NAA35: variants seen among roughly 807,000 people sequenced by gnomAD.
NAA35 encodes the protein N-alpha-acetyltransferase 35, NatC auxiliary subunit, also known as MAK10 homolog, amino-acid N-acetyltransferase subunit.
NAA35 carries 18 observed loss-of-function variants against 101.7 expected under a neutral mutation model. That is an observed-to-expected ratio of 0.18 (90% CI 0.12 to 0.26). The LOEUF is 0.26. Ranked by LOEUF, NAA35 falls within the 10% of genes least tolerant of loss-of-function variation. The probability of loss-of-function intolerance (pLI) is 1.00; values close to 1 mark genes in which losing one functional copy is unlikely to be tolerated. For missense variants in NAA35, 601 were observed against 886.8 expected, an observed-to-expected ratio of 0.68 and a Z score of 4.09; for synonymous variants, 267 against 273.1, an observed-to-expected ratio of 0.98 and a Z score of 0.22.
intron 17 of NAA35, among the ~76,000 whole-genome samples, 197 bp from the exon 18 acceptor site, chr9:86,016,339 ATCT>A (rs1450862292): frequency 2.6e-5 from 4 of 152,208 alleles, no homozygotes; most frequent in African/African-American, 7.2e-5. Flanking sequence ...TTATCAAGAA[ATCT>A]TCTGGAAAGT....
chr9:85,972,538 G>A (rs200069425), intron 6 of NAA35, among the ~76,000 whole-genome samples: 9 of 148,920 alleles, frequency 6.0e-5, no homozygotes, highest in South Asian at 2.1e-4. Flanking sequence ...AAAAAGGGTC[G>A]GGGGGTGGAG....
intron 9 of NAA35, 72 bp from the exon 10 acceptor site, chr9:85,977,291 A>G: frequency 2.0e-6 from 2 of 999,182 alleles, no homozygotes; most frequent in East Asian, 4.8e-5. Context: ...TTTAGGAGTT[A>G]ATATATTTTA....
intron 11 of NAA35, among the ~76,000 whole-genome samples, chr9:85,980,733 CT>C (rs1451218571): frequency 1.9e-4 from 29 of 152,106 alleles, no homozygotes; most frequent in African/African-American, 6.8e-4. Context: ...AATAGTGTAC[CT>C]CTGTTGTAAA....
At chr9:85,990,835 G>C (rs1830871258) in intron 11 of NAA35, among the ~76,000 whole-genome samples, 1 of 152,210 alleles carries the variant, frequency 6.6e-6, no homozygotes, top group South Asian at 2.1e-4. Context: ...GAGTGTACTT[G>C]TAGCAGGGTG....
In NAA35 at chr9:86,024,024, T is replaced by C. The variant is rs1359475649; in HGVS notation, c.*2064T>C. ...CAGGTTTCTAATTATAAAAACAAAT[T>C]TGCCATTTTATAATTTTTAAAGTAA... On this transcript the variant is annotated 3_prime_UTR_variant, in exon 23 of 23. Transcript: ENST00000361671. Among the ~76,000 whole-genome samples the C allele has an allele frequency of 2.0e-5, 3 of 152,206 alleles. No homozygotes were observed. The highest frequency in any genetic ancestry group is 2.9e-5 in the Non-Finnish European group (2 of 68,028).
chr9:86,017,234 A>AT (rs545210671), intron 18 of NAA35, among the ~76,000 whole-genome samples: 60 of 152,368 alleles, frequency 3.9e-4, no homozygotes, highest in African/African-American at 1.3e-3. Flanking sequence ...GGTTTCCTAT[A>AT]TAAGAGGTTA....
Position 86,024,027 on chromosome 9 carries a change from C to T in NAA35, c.*2067C>T, listed in dbSNP as rs1232660567. Among the ~76,000 whole-genome samples, 3 of 152,112 alleles carry T rather than the reference C, an allele frequency of 2.0e-5. No individual in the cohort carries two copies. Among genetic ancestry groups the T allele is most frequent in the Non-Finnish European group, 4.4e-5 (3 of 67,990 alleles). ...GTTTCTAATTATAAAAACAAATTTGCCATTTTATAATTTTTAAAGTAATCT... is the reference window on the plus strand; with the variant it reads ...GTTTCTAATTATAAAAACAAATTTGTCATTTTATAATTTTTAAAGTAATCT... On this transcript the variant is annotated 3_prime_UTR_variant, in exon 23 of 23. Coordinates refer to ENST00000361671, the MANE Select transcript of NAA35 (RefSeq NM_024635.4).
Position 86,018,687 on chromosome 9 carries a change from C to T in NAA35, c.1915-12C>T. 1.2e-5 allele frequency: 20 copies of T among 1,606,478 alleles called. No individual in the cohort carries two copies. Among genetic ancestry groups the T allele is most frequent in the Non-Finnish European group, 1.6e-5 (19 of 1,178,006 alleles). The stretch of plus-strand genomic sequence containing the variant: ...TAAACGTGTTTTGAATTATACTTCC[C>T]CTTCTTTTTAGGAAATGTCTGACCT... On this transcript the variant is annotated splice_polypyrimidine_tract_variant and intron_variant, in intron 20 of 22. Coordinates refer to ENST00000361671, the MANE Select transcript of NAA35 (RefSeq NM_024635.4).
At chr9:85,952,935 G>A (rs1343989815) in intron 2 of NAA35, among the ~76,000 whole-genome samples, 3 of 152,156 alleles carry the variant, frequency 2.0e-5, no homozygotes, top group Non-Finnish European at 4.4e-5. Flanking sequence ...CTTAGGCCAG[G>A]CGTGATGGCT....
In NAA35 at chr9:86,002,039, A is replaced by T. The variant is rs144169032; in HGVS notation, c.1057-1546A>T. On this transcript the variant is annotated intron_variant, in intron 12 of 22. Transcript: ENST00000361671. ...TTCTATATTTAGGGCTCCTTTCAAGATCCTCTTGTAAGGTAGGACTGGTGG... is the reference window on the plus strand; with the variant it reads ...TTCTATATTTAGGGCTCCTTTCAAGTTCCTCTTGTAAGGTAGGACTGGTGG... Among the ~76,000 whole-genome samples, 235 of 152,242 alleles carry T rather than the reference A, an allele frequency of 1.5e-3. 2 individuals are homozygous for T. Among genetic ancestry groups the T allele is most frequent in the Non-Finnish European group, 3.1e-4 (21 of 68,004 alleles).
chr9:86,022,255 AAT>A lies in NAA35; in HGVS notation c.*297_*298del, dbSNP rs1832597685. 1 of 245,792 alleles carries A rather than the reference AAT, an allele frequency of 4.1e-6. No homozygotes were observed. Among genetic ancestry groups the A allele is most frequent in the Non-Finnish European group, 7.6e-6 (1 of 130,832 alleles). 15.2% of individuals were successfully genotyped at this position (245,792 alleles called of 1,614,324 possible). ...CATTTTTTATGAATGATTGAGTGAAAATAGTGTTTATAAAGGTTAATAAATTT... is the reference window on the plus strand; with the variant it reads ...CATTTTTTATGAATGATTGAGTGAAAAGTGTTTATAAAGGTTAATAAATTT... On this transcript the variant is annotated 3_prime_UTR_variant, in exon 23 of 23. Coordinates refer to ENST00000361671, the MANE Select transcript of NAA35 (RefSeq NM_024635.4).
chr9:85,987,362 C>T (rs1259590808), intron 11 of NAA35, among the ~76,000 whole-genome samples: 1 of 152,198 alleles, frequency 6.6e-6, no homozygotes, highest in Non-Finnish European at 1.5e-5. Context: ...CTGAGGACTA[C>T]TGACCTTGGT....
rs1587680732 is a variant in NAA35, at chr9:86,022,201, A to G, written c.*241A>G. 5.6e-6 allele frequency: 2 copies of G among 360,174 alleles called. No individual in the cohort carries two copies. The highest frequency in any genetic ancestry group is 5.0e-5 in the East Asian group (1 of 19,958). The allele number at this position is 360,174 out of a possible 1,614,324, so 22.3% of individuals were successfully genotyped here. A position where few individuals can be genotyped will look rare whatever the true frequency, so the allele number is the denominator to read the frequency against. On this transcript the variant is annotated 3_prime_UTR_variant, in exon 23 of 23. Transcript: ENST00000361671. ...TATTGAATGCATTGATGAACGTTAT[A>G]TGGTTTTATTACAGATTTAATCACA...
At chr9:86,013,179 A>G in intron 16 of NAA35, 35 bp downstream of exon 16, 1 of 1,301,594 alleles carries the variant, frequency 7.7e-7, no homozygotes, top group Non-Finnish European at 1.1e-6. Context: ...CTAAAATTAA[A>G]TGATGCACAC....
At chr9:85,959,912 T>G in intron 5 of NAA35, 45 bp downstream of exon 5, 1 of 1,389,888 alleles carries the variant, frequency 7.2e-7, no homozygotes, top group Non-Finnish European at 1.0e-6. Context: ...AAACTGTGAC[T>G]TACCTGAATC....
At chr9:85,966,686 C>T in intron 6 of NAA35, 3 of 1,246,606 alleles carry the variant, frequency 2.4e-6, no homozygotes, top group Non-Finnish European at 3.2e-6. Flanking sequence ...TAAGTTGACA[C>T]TTCTGTTTTT....
intron 22 of NAA35, 104 bp downstream of exon 22, chr9:86,021,073 C>A: frequency 1.3e-6 from 1 of 785,828 alleles, no homozygotes; most frequent in Non-Finnish European, 1.9e-6. Flanking sequence ...AACCACTGAA[C>A]AAAAATCATT....
intron 3 of NAA35, 117 bp from the exon 4 acceptor site, chr9:85,958,355 A>T (rs1829364238): frequency 3.6e-6 from 2 of 557,028 alleles, no homozygotes; most frequent in African/African-American, 3.8e-5. Context: ...AGTTGAGAAG[A>T]CTAAATGCAT....
chr9:86,003,397 T>G (rs552389547), intron 12 of NAA35, among the ~76,000 whole-genome samples, 188 bp from the exon 13 acceptor site: 111 of 152,250 alleles, frequency 7.3e-4, no homozygotes, highest in Non-Finnish European at 1.0e-3. Flanking sequence ...GTTTTTAGAG[T>G]CTAGAATTAT....
Sources: allele counts gnomAD v4.1 joint callset (sites outside exome capture counted in the v4.1 genomes callset), GRCh38; gene constraint gnomAD v4.1.1; transcripts MANE v1.5; gene names NCBI Gene and HGNC (gene_info 2026-07-23, HGNC 2026-07-21).